LRRC7: variants seen among roughly 807,000 people sequenced by gnomAD.
LRRC7 encodes leucine-rich repeat-containing protein 7.
Under a neutral mutation model 175.7 loss-of-function variants are expected in LRRC7, and 23 were observed. That is an observed-to-expected ratio of 0.13 (90% confidence interval 0.09 to 0.19). The LOEUF is 0.19. LRRC7 is among the 10% of genes least tolerant of loss of function. The pLI is 1.00. For missense variants in LRRC7, 1,354 were observed against 1,904.7 expected (o/e 0.71, Z 5.38); for synonymous variants, 685 against 680.9 (o/e 1.01, Z -0.09).
intron 1 of LRRC7, among the ~76,000 whole-genome samples, chr1:69,646,066 G>T (rs1654964167): frequency 6.6e-6 from 1 of 152,104 alleles, no homozygotes; most frequent in Non-Finnish European, 1.5e-5. Flanking sequence ...TGATTAAAAA[G>T]ATGTACATAA....
At chr1:69,802,504 G>A (rs1676635961) in intron 4 of LRRC7, among the ~76,000 whole-genome samples, 1 of 151,128 alleles carries the variant, frequency 6.6e-6, no homozygotes, top group African/African-American at 2.4e-5. Flanking sequence ...TTTGATTAAA[G>A]TCTGTTTTAT....
chr1:69,949,019 C>A (rs186279801), intron 8 of LRRC7, among the ~76,000 whole-genome samples: 5 of 152,112 alleles, frequency 3.3e-5, no homozygotes, highest in African/African-American at 1.2e-4. Context: ...TCAGTCTCTC[C>A]TTATGGACTA....
intron 2 of LRRC7, among the ~76,000 whole-genome samples, chr1:69,718,117 G>GA (rs750185488): frequency 3.7e-5 from 3 of 81,772 alleles, no homozygotes; most frequent in East Asian, 6.4e-4. Flanking sequence ...GAAAAAGAAA[G>GA]AAAGAAAGAA....
At chr1:69,876,393 A>G (rs1355049975) in intron 7 of LRRC7, among the ~76,000 whole-genome samples, 2 of 152,164 alleles carry the variant, frequency 1.3e-5, no homozygotes, top group African/African-American at 4.8e-5. Context: ...TGCCACTAGC[A>G]ATCAATATAA....
intron 8 of LRRC7, among the ~76,000 whole-genome samples, chr1:69,967,683 G>A (rs1651798657): frequency 6.6e-6 from 1 of 152,114 alleles, no homozygotes; most frequent in Non-Finnish European, 1.5e-5. Context: ...TTGCTGGGTG[G>A]CTAGATCCAG....
intron 8 of LRRC7, among the ~76,000 whole-genome samples, chr1:69,949,424 T>C (rs548974503): frequency 1.3e-4 from 20 of 152,028 alleles, no homozygotes; most frequent in South Asian, 4.2e-4. Context: ...ATACAAAAAA[T>C]TAGCTGGCTG....
intron 3 of LRRC7, among the ~76,000 whole-genome samples, chr1:69,773,263 G>A (rs1672439826): frequency 6.6e-6 from 1 of 152,188 alleles, no homozygotes; most frequent in Non-Finnish European, 1.5e-5. Context: ...GAGATCCTCA[G>A]AATGCATGAA....
intron 8 of LRRC7, among the ~76,000 whole-genome samples, chr1:69,941,810 C>G (rs898195056): frequency 1.3e-5 from 2 of 152,012 alleles, no homozygotes; most frequent in Non-Finnish European, 2.9e-5. Flanking sequence ...TGGTTTCATG[C>G]TCTTTGACAG....
At chr1:69,711,077 C>T (rs1295035662) in intron 2 of LRRC7, among the ~76,000 whole-genome samples, 1 of 152,144 alleles carries the variant, frequency 6.6e-6, no homozygotes, top group African/African-American at 2.4e-5. Flanking sequence ...CTGATTCTTA[C>T]AGGCTGAGCA....
chr1:69,942,980 A>AT (rs371944041), intron 8 of LRRC7, among the ~76,000 whole-genome samples: 21 of 151,974 alleles, frequency 1.4e-4, no homozygotes, highest in East Asian at 3.9e-4. Context: ...TTTTTTTGCG[A>AT]TTTTTTTTAG....
At chr1:70,053,815 T>G (rs1240002227) in intron 23 of LRRC7, among the ~76,000 whole-genome samples, 1 of 152,136 alleles carries the variant, frequency 6.6e-6, no homozygotes, top group Non-Finnish European at 1.5e-5. Flanking sequence ...AAATCAGTAA[T>G]GAAGACATAC....
At chr1:69,787,526 G>T (rs1364366167) in intron 3 of LRRC7, among the ~76,000 whole-genome samples, 3 of 152,200 alleles carry the variant, frequency 2.0e-5, no homozygotes, top group Non-Finnish European at 4.4e-5. Context: ...TCTACTCAGA[G>T]GTTCACAAAC....
At chr1:69,924,178 C>T (rs961679733) in intron 7 of LRRC7, among the ~76,000 whole-genome samples, 1 of 152,030 alleles carries the variant, frequency 6.6e-6, no homozygotes, top group Non-Finnish European at 1.5e-5. Flanking sequence ...GTTTTGGTAC[C>T]AGTACCATGC....
At chr1:69,825,166 G>T (rs1679761802) in intron 4 of LRRC7, among the ~76,000 whole-genome samples, 1 of 152,114 alleles carries the variant, frequency 6.6e-6, no homozygotes. Context: ...AAAACTGCTT[G>T]TCTCTTCACA....
intron 5 of LRRC7, among the ~76,000 whole-genome samples, chr1:69,832,344 A>T (rs530296811): frequency 6.6e-6 from 1 of 152,168 alleles, no homozygotes; most frequent in South Asian, 2.1e-4. Flanking sequence ...TGAACAGACC[A>T]GGCTTTAGCA....
intron 3 of LRRC7, among the ~76,000 whole-genome samples, chr1:69,763,068 A>G (rs1360276557): frequency 2.0e-5 from 3 of 152,030 alleles, no homozygotes; most frequent in African/African-American, 7.2e-5. Flanking sequence ...GTATTTGTGC[A>G]TTATAGGAAA....
At chr1:69,802,890 T>C (rs903970525) in intron 4 of LRRC7, among the ~76,000 whole-genome samples, 1 of 151,416 alleles carries the variant, frequency 6.6e-6, no homozygotes, top group Non-Finnish European at 1.5e-5. Flanking sequence ...TTTTCTATGT[T>C]TTCTTCTAAA....
At chr1:69,656,586 C>T (rs758753234) in intron 1 of LRRC7, among the ~76,000 whole-genome samples, 4 of 151,968 alleles carry the variant, frequency 2.6e-5, no homozygotes, top group Non-Finnish European at 4.4e-5. Flanking sequence ...TACCCATAAA[C>T]TTAAGACTTC....
intron 18 of LRRC7, among the ~76,000 whole-genome samples, chr1:70,030,410 TTCTC>T (rs1054718234): frequency 1.3e-5 from 2 of 152,184 alleles, no homozygotes; most frequent in Admixed American, 6.6e-5. Flanking sequence ...ATTCTAGATC[TTCTC>T]TCTCTAACTT....
Sources: allele counts gnomAD v4.1 joint callset (sites outside exome capture counted in the v4.1 genomes callset), GRCh38; gene constraint gnomAD v4.1.1; transcripts MANE v1.5; gene names NCBI Gene and HGNC (gene_info 2026-07-23, HGNC 2026-07-21).